Variants in SEC31A observed in about 807,000 individuals in gnomAD.
The protein encoded by SEC31A is SEC31 homolog A, COPII component, also known as protein transport protein Sec31A.
In SEC31A, 70 loss-of-function variants were observed where a neutral mutation model predicts 151.0. The ratio of observed to expected loss-of-function variants is 0.46; its 90% CI spans 0.38 to 0.57. SEC31A has a LOEUF of 0.57. Among genes scored for constraint, SEC31A ranks in the 20% least tolerant of loss-of-function variants. The pLI is 0.00. For synonymous variants in SEC31A, 475 were observed against 505.9 expected (o/e 0.94, Z 0.82); for missense variants, 1,330 against 1,471.2 (o/e 0.90, Z 1.57).
At position 82,878,806 on chromosome 4, in the gene SEC31A, C is replaced by A; in HGVS notation, c.326G>T (p.Gly109Val). The A allele has an allele frequency of 1.9e-6, 3 of 1,614,050 alleles. No individual in the cohort carries two copies. The highest frequency in any genetic ancestry group is 2.5e-6 in the Non-Finnish European group (3 of 1,179,940). ...CTGGGCAATCACAACTTCCTTGTCTCCAGCTATAATTTTAGAAGGATCATA... is the reference window on the plus strand; with the variant it reads ...CTGGGCAATCACAACTTCCTTGTCTACAGCTATAATTTTAGAAGGATCATA... ...ILYDPSKIIAGDKEVVIAQND... is the reference protein window; with the variant it reads ...ILYDPSKIIAVDKEVVIAQND... Residue 109 changes from glycine (G) to valine (V), a missense_variant, in exon 4 of 27, where the codon GGA becomes GTA. Gly to Val is a moderately radical substitution (Grantham distance 109). Transcript: ENST00000395310.
Position 82,848,894 on chromosome 4 carries a change from G to A in SEC31A, c.2412C>T (p.Tyr804=), listed in dbSNP as rs141183010. 55 of 1,613,912 alleles carry A rather than the reference G, an allele frequency of 3.4e-5. No individual in the cohort carries two copies. In the African/African-American group the frequency reaches 5.9e-4, roughly 17 times the overall value. ...VAGHESPKIP[Y]EKQQLPKGRP... Reference sequence around the variant, plus strand: ...TGCCCTTGGGGAGCTGCTGTTTCTCGTACGGAATTTTAGGTGATTCATGTC... The same window carrying A: ...TGCCCTTGGGGAGCTGCTGTTTCTCATACGGAATTTTAGGTGATTCATGTC... Residue 804 remains tyrosine (Y), a synonymous_variant, in exon 20 of 27, where the codon TAC becomes TAT. Coordinates refer to ENST00000395310, the MANE Select transcript of SEC31A (RefSeq NM_001077207.4).
At chr4:82,835,022 A>G (rs541940984) in intron 22 of SEC31A, among the ~76,000 whole-genome samples, 3 of 152,038 alleles carry the variant, frequency 2.0e-5, no homozygotes, top group Non-Finnish European at 2.9e-5. Context: ...AGTTTTGTAT[A>G]TTTAGTAGAG....
At chr4:82,882,077 G>T (rs1739477752) in intron 1 of SEC31A, 137 bp from the exon 2 acceptor site, 6 of 702,186 alleles carry the variant, frequency 8.5e-6, no homozygotes, top group South Asian at 8.5e-5. Flanking sequence ...AATCAAATCG[G>T]TTTAGGTGTC....
Position 82,819,295 on chromosome 4 carries a change from A to G in SEC31A, c.3484-42T>C, listed in dbSNP as rs754381837. 2.1e-6 allele frequency: 3 copies of G among 1,445,180 alleles called. No homozygotes were observed. In the Admixed American group the frequency reaches 6.4e-5, roughly 31 times the overall value. 89.5% of individuals were successfully genotyped at this position (1,445,180 alleles called of 1,614,324 possible). A position where few individuals can be genotyped will look rare whatever the true frequency, so the allele number is the denominator to read the frequency against. On this transcript the variant is annotated intron_variant, in intron 26 of 26. Coordinates refer to ENST00000395310, the MANE Select transcript of SEC31A (RefSeq NM_001077207.4). ...CCAAGAGAAAGAATTAAATTAAGGG[A>G]TAACTTCCCATGAGATCCTCCATAA...
At chr4:82,862,377 T>C (rs1367952548) in intron 13 of SEC31A, among the ~76,000 whole-genome samples, 157 bp downstream of exon 13, 2 of 152,184 alleles carry the variant, frequency 1.3e-5, no homozygotes, top group Non-Finnish European at 2.9e-5. Flanking sequence ...GCTCATGTTA[T>C]TTTAAAATGA....
chr4:82,827,175 G>C (rs1724797057), intron 24 of SEC31A, among the ~76,000 whole-genome samples, 194 bp downstream of exon 24: 2 of 152,140 alleles, frequency 1.3e-5, no homozygotes, highest in South Asian at 2.1e-4. Context: ...CCTTCTTCTA[G>C]AGAAGTTTGT....
At chr4:82,860,386 C>G (rs1469968205) in intron 14 of SEC31A, among the ~76,000 whole-genome samples, 4 of 152,190 alleles carry the variant, frequency 2.6e-5, no homozygotes, top group Non-Finnish European at 4.4e-5. Flanking sequence ...AAATGATCTT[C>G]TATTTGATAA....
intron 20 of SEC31A, among the ~76,000 whole-genome samples, chr4:82,846,564 C>CCCCT (rs1560609661): frequency 1.3e-5 from 2 of 151,844 alleles, no homozygotes; most frequent in African/African-American, 4.8e-5. Flanking sequence ...TCAAGACCAA[C>CCCCT]CCCTCCTCTT....
rs1186456182 is a variant in SEC31A, at chr4:82,878,494, AAAAAACAAAAAC to A, written c.402+224_402+235del. Reference sequence around the variant, plus strand: ...GGTGACAGAGCGAGACTCCGTCTCAAAAAAACAAAAACAAAAACAAAAACAAAAACCTATCAG... The same window carrying A: ...GGTGACAGAGCGAGACTCCGTCTCAAAAAAACAAAAACAAAAACCTATCAG... On this transcript the variant is annotated intron_variant, in intron 4 of 26. Coordinates refer to ENST00000395310, the MANE Select transcript of SEC31A (RefSeq NM_001077207.4). Among the ~76,000 whole-genome samples, 30 of 152,270 alleles carry A rather than the reference AAAAAACAAAAAC, an allele frequency of 2.0e-4. No homozygotes were observed. The South Asian group carries it at 3.3e-3, about 17-fold the overall frequency.
upstream of SEC31A, among the ~76,000 whole-genome samples, chr4:82,892,743 G>C (rs1430658550): frequency 6.6e-6 from 1 of 151,986 alleles, no homozygotes; most frequent in Non-Finnish European, 1.5e-5. Context: ...TTTTGGGGGG[G>C]GGGGCACAAT....
At chr4:82,861,890 T>A in intron 13 of SEC31A, 182 bp from the exon 14 acceptor site, 4 of 281,432 alleles carry the variant, frequency 1.4e-5, no homozygotes, top group African/African-American at 2.3e-5. Flanking sequence ...CTATTACTGC[T>A]AACACTTTCC....
At chr4:82,890,677 A>G in intron 1 of SEC31A, 1 of 944,224 alleles carries the variant, frequency 1.1e-6, no homozygotes, top group Non-Finnish European at 1.3e-6. Context: ...TAGTTCAAGT[A>G]CAAAAAAAAA....
intron 6 of SEC31A, among the ~76,000 whole-genome samples, chr4:82,872,359 T>C (rs1171153161): frequency 6.6e-6 from 1 of 152,104 alleles, no homozygotes; most frequent in African/African-American, 2.4e-5. Flanking sequence ...CAGCAAACTT[T>C]TGTATTTTTA....
Position 82,824,566 on chromosome 4 carries a change from C to T in SEC31A, c.3400G>A (p.Ala1134Thr), listed in dbSNP as rs1314782851. Residue 1134 changes from alanine to threonine, a missense_variant, in exon 25 of 27, where the codon GCA (alanine) becomes ACA (threonine). Transcript: ENST00000395310. ...AAATAAATACATACAGGGTCTGTTG[C>T]TGAAGAAAGGCAGCGCTGAATAAGA... is the stretch of plus-strand genomic sequence containing the variant. The part of the protein sequence containing the change: ...EDLIQRCLSS[A>T]TDPQTKRKLD... 1 of 1,613,296 alleles carries T rather than the reference C, an allele frequency of 6.2e-7. No homozygotes were observed. The highest frequency in any genetic ancestry group is 8.5e-7 in the Non-Finnish European group (1 of 1,179,762).
chr4:82,837,009 C>T (rs1365682318), intron 22 of SEC31A, among the ~76,000 whole-genome samples: 1 of 151,376 alleles, frequency 6.6e-6, no homozygotes, highest in South Asian at 2.1e-4. Context: ...CATTGTATAC[C>T]TGTATCAAAA....
rs533417699 is a variant in SEC31A, at chr4:82,830,164, AT to A, written c.2969-1107del. Among the ~76,000 whole-genome samples the A allele has an allele frequency of 2.1e-3, 317 of 152,338 alleles. 1 individual carries two copies. Among genetic ancestry groups the A allele is most frequent in the Non-Finnish European group, 3.8e-3 (256 of 68,034 alleles). On this transcript the variant is annotated intron_variant, in intron 22 of 26. Transcript: ENST00000395310. ...TAACCACCAGCGCTTACTTGTCTTG[AT>A]TTTAAAACAGAATTCAGGCGAGGCG...
intron 22 of SEC31A, among the ~76,000 whole-genome samples, chr4:82,838,911 C>T (rs752645744): frequency 6.6e-6 from 1 of 152,230 alleles, no homozygotes; most frequent in Non-Finnish European, 1.5e-5. Flanking sequence ...AACTATTGAA[C>T]AGCTGGACTT....
chr4:82,858,316 C>G (rs975554884), intron 14 of SEC31A, among the ~76,000 whole-genome samples: 2 of 150,610 alleles, frequency 1.3e-5, no homozygotes, highest in Non-Finnish European at 3.0e-5. Context: ...GAGGCCGAGG[C>G]GGGCAGATCA....
intron 22 of SEC31A, among the ~76,000 whole-genome samples, chr4:82,840,709 G>T (rs775703460): frequency 2.7e-4 from 41 of 152,136 alleles, no homozygotes; most frequent in Non-Finnish European, 4.7e-4. Flanking sequence ...TACTCCTAGG[G>T]TACAAACCTG....
Sources: gnomAD v4.1 joint callset for allele counts (sites outside exome capture counted in the v4.1 genomes callset) on GRCh38, gnomAD v4.1.1 for gene constraint, MANE v1.5 for transcripts, NCBI Gene and HGNC (gene_info 2026-07-23, HGNC 2026-07-21) for gene names.